ARHGAP1: variants seen among roughly 807,000 people sequenced by gnomAD.
ARHGAP1 encodes rho GTPase-activating protein 1.
In ARHGAP1, 23 loss-of-function variants were observed where a neutral mutation model predicts 52.2. The ratio of observed to expected loss-of-function variants is 0.44; its 90% confidence interval spans 0.32 to 0.62. ARHGAP1 has a LOEUF of 0.62. Ranked by LOEUF, ARHGAP1 falls within the 20% of genes least tolerant of loss-of-function variation. ARHGAP1 has a pLI of 0.05. For missense variants in ARHGAP1, 480 were observed against 560.9 expected (o/e 0.86, Z 1.46); for synonymous variants, 210 against 228.4 (o/e 0.92, Z 0.73).
rs926490697 is a variant in ARHGAP1 at position 46,681,955 on chromosome 11, C to G, written c.449+96G>C. 6.4e-7 allele frequency: 1 copy of G among 1,561,114 alleles called. No individual in the cohort carries two copies. The highest frequency in any genetic ancestry group is 1.4e-5 in the African/African-American group (1 of 74,006). On this transcript the variant is annotated intron_variant, in intron 5 of 12. Transcript: ENST00000311956. This position sits in a 1 kb window ranked among gnomAD's most constrained non-coding sequence, Gnocchi z 5.7. ...GACGGCAGCCCCCGCCACCCCCTGC[C>G]TTGGAATAAGCTCCTGCCCAAGTGG...
chr11:46,683,562 C>G (rs2064544648), intron 4 of ARHGAP1, among the ~76,000 whole-genome samples: 2 of 152,086 alleles, frequency 1.3e-5, no homozygotes, highest in Non-Finnish European at 2.9e-5. Flanking sequence ...ATATACACAC[C>G]TGGTGTTGAG....
In ARHGAP1 at chr11:46,678,153, C is replaced by T. The variant is rs537056868; in HGVS notation, c.*884G>A. ...AGTCACCTCTGGCTGGGGCAGGGGC[C>T]AGTGTGACTCCGTAACAGACAGGTC... On this transcript the variant is annotated 3_prime_UTR_variant, in exon 13 of 13. Coordinates refer to ENST00000311956, the MANE Select transcript of ARHGAP1 (RefSeq NM_004308.5). 20 of 273,398 alleles carry T rather than the reference C, an allele frequency of 7.3e-5. No homozygotes were observed. In the Admixed American group the frequency reaches 9.1e-4, roughly 12 times the overall value. The allele number at this position is 273,398 out of a possible 1,614,324, so 16.9% of individuals were successfully genotyped here. A position where few individuals can be genotyped will look rare whatever the true frequency, so the allele number is the denominator to read the frequency against.
At chr11:46,690,265 T>G (rs1208728095) in intron 3 of ARHGAP1, among the ~76,000 whole-genome samples, 1 of 151,802 alleles carries the variant, frequency 6.6e-6, no homozygotes, top group Non-Finnish European at 1.5e-5. Context: ...CGGGCACCTG[T>G]AGTCCCAGCT....
At position 46,680,397 on chromosome 11, in the gene ARHGAP1, G is replaced by A; in HGVS notation, c.820+90C>T. On this transcript the variant is annotated intron_variant, in intron 9 of 12. Transcript: ENST00000311956. This position sits in a 1 kb window ranked among gnomAD's most constrained non-coding sequence, Gnocchi z 5.9. ...CTGGGTGGGGACGTTGAGGCTTGCA[G>A]GACCTCCCTCTGCCCTGCCCAGCAG... The A allele has an allele frequency of 1.9e-6, 3 of 1,580,178 alleles. No individual in the cohort carries two copies. Among genetic ancestry groups the A allele is most frequent in the Non-Finnish European group, 2.6e-6 (3 of 1,150,512 alleles).
At chr11:46,686,848 A>G (rs1421774824) in intron 4 of ARHGAP1, 2 of 152,198 alleles carry the variant, frequency 1.3e-5, no homozygotes, top group Non-Finnish European at 2.9e-5. Flanking sequence ...GAAGAGCCAC[A>G]TCTGAGATAA....
intron 4 of ARHGAP1, among the ~76,000 whole-genome samples, chr11:46,684,386 T>G (rs2064552301): frequency 6.6e-6 from 1 of 152,216 alleles, no homozygotes; most frequent in African/African-American, 2.4e-5. Context: ...TCTCTGACCC[T>G]GTAAAAATAT....
chr11:46,686,281 G>GAGCCACAAGAGACTTGTGGCGCCC lies in ARHGAP1; in HGVS notation c.317+1868_317+1891dup, dbSNP rs1031578568. ...TTACAGGCATGAGCCGCTGGACGAG[G>GAGCCACAAGAGACTTGTGGCGCCC]AGCCACAAGAGACTTGTGGCGCCCA... On this transcript the variant is annotated intron_variant, in intron 4 of 12. Transcript: ENST00000311956. 5.3e-5 allele frequency among the ~76,000 whole-genome samples: 8 copies of GAGCCACAAGAGACTTGTGGCGCCC among 152,124 alleles called. No homozygotes were observed. In the South Asian group the frequency reaches 1.2e-3, roughly 24 times the overall value.
intron 5 of ARHGAP1, 25 bp downstream of exon 5, chr11:46,682,024 CTG>C: frequency 6.2e-7 from 1 of 1,613,270 alleles, no homozygotes; most frequent in Admixed American, 1.7e-5. Context: ...CTGGATCTGA[CTG>C]TGCAGGCCCC....
At chr11:46,684,621 G>A (rs2064554230) in intron 4 of ARHGAP1, among the ~76,000 whole-genome samples, 1 of 152,224 alleles carries the variant, frequency 6.6e-6, no homozygotes, top group African/African-American at 2.4e-5. Flanking sequence ...TGTCAGAACA[G>A]TGTTTATGCC....
At chr11:46,688,353 G>A (rs1273352130) in intron 3 of ARHGAP1, 93 bp from the exon 4 acceptor site, 4 of 1,280,484 alleles carry the variant, frequency 3.1e-6, no homozygotes, top group Non-Finnish European at 4.4e-6. Context: ...GCTGATCTGA[G>A]CCAGTTACCA....
At chr11:46,686,157 A>G (rs981477030) in intron 4 of ARHGAP1, among the ~76,000 whole-genome samples, 2 of 149,392 alleles carry the variant, frequency 1.3e-5, no homozygotes, top group Non-Finnish European at 3.0e-5. Context: ...AGCCTGGCTA[A>G]TTTTTTTATT....
At position 46,679,353 on chromosome 11, in the gene ARHGAP1, C is replaced by T. The variant is rs1240188238; in HGVS notation, c.1131+12G>A. The stretch of plus-strand genomic sequence containing the variant: ...CCTCCCTTCACCCCAGAGGCCAAGT[C>T]CAAGGTCTCACCTGCACCAGGAAAG... On this transcript the variant is annotated intron_variant, in intron 12 of 12. Coordinates refer to ENST00000311956, the MANE Select transcript of ARHGAP1 (RefSeq NM_004308.5). This position sits in a 1 kb window ranked among gnomAD's most constrained non-coding sequence, Gnocchi z 4.4. The T allele has an allele frequency of 8.7e-6, 14 of 1,613,760 alleles. No homozygotes were observed. Among genetic ancestry groups the T allele is most frequent in the Non-Finnish European group, 1.2e-5 (14 of 1,179,874 alleles).
At position 46,696,007 on chromosome 11, in the gene ARHGAP1, G is replaced by A; in HGVS notation, c.101C>T (p.Pro34Leu). ...KLASIDEKNW[P>L]SDEMPDFPKS... ...GGGGAAGTCAGGCATTTCATCCGAG[G>A]GCCAGTTCTTCTCATCGATGGAGGC... Residue 34 changes from proline (P) to leucine (L), a missense_variant, in exon 2 of 13, where the codon CCC (proline) becomes CTC (leucine). Pro to Leu is a moderately conservative substitution (Grantham distance 98, BLOSUM62 -3). Coordinates refer to ENST00000311956, the MANE Select transcript of ARHGAP1 (RefSeq NM_004308.5). This position sits in a 1 kb window ranked among gnomAD's most constrained non-coding sequence, Gnocchi z 4.8. The A allele has an allele frequency of 6.2e-7, 1 of 1,614,164 alleles. No homozygotes were observed. Among genetic ancestry groups the A allele is most frequent in the Non-Finnish European group, 8.5e-7 (1 of 1,180,018 alleles).
rs2134477314 is a variant in ARHGAP1 at position 46,680,330 on chromosome 11, T to G, written c.821-48A>C. The G allele has an allele frequency of 6.2e-7, 1 of 1,600,152 alleles. No homozygotes were observed. Among genetic ancestry groups the G allele is most frequent in the Middle Eastern group, 1.7e-4 (1 of 5,972 alleles). On this transcript the variant is annotated intron_variant, in intron 9 of 12. Transcript: ENST00000311956. This position sits in a 1 kb window ranked among gnomAD's most constrained non-coding sequence, Gnocchi z 5.9. ...GAGCCTCCGAGCGCTGGGCACCGGC[T>G]GGATTCCCTGCCCCTTCTCTGTCTT...
chr11:46,686,834 C>G (rs1356065181), intron 4 of ARHGAP1: 1 of 152,198 alleles, frequency 6.6e-6, no homozygotes, highest in Non-Finnish European at 1.5e-5. Flanking sequence ...GGGTGGACAG[C>G]TGGGAAGAGC....
intron 3 of ARHGAP1, among the ~76,000 whole-genome samples, chr11:46,691,018 A>G (rs1231195621): frequency 6.6e-6 from 1 of 152,134 alleles, no homozygotes; most frequent in African/African-American, 2.4e-5. Context: ...TGTCCTGAGT[A>G]GCTAGGACTA....
Position 46,681,209 on chromosome 11 carries a change from C to G in ARHGAP1, c.536+84G>C, listed in dbSNP as rs2064525035. On this transcript the variant is annotated intron_variant, in intron 6 of 12. Transcript: ENST00000311956. This position sits in a 1 kb window ranked among gnomAD's most constrained non-coding sequence, Gnocchi z 5.7. Reference sequence around the variant, plus strand: ...CAGTTCAGACGGAAGCCCAGCCGCACCTGGTGGTCCCCAGGCTGCCCAGCC... The same window carrying G: ...CAGTTCAGACGGAAGCCCAGCCGCAGCTGGTGGTCCCCAGGCTGCCCAGCC... 9 of 1,542,034 alleles carry G rather than the reference C, an allele frequency of 5.8e-6. No homozygotes were observed. The Admixed American group carries it at 6.7e-5, about 11-fold the overall frequency.
At chr11:46,690,818 A>G (rs758422850) in intron 3 of ARHGAP1, among the ~76,000 whole-genome samples, 4 of 152,008 alleles carry the variant, frequency 2.6e-5, no homozygotes, top group Non-Finnish European at 4.4e-5. Flanking sequence ...GAGCAGCTCA[A>G]AGACAGAGGC....
chr11:46,695,895 T>C, intron 2 of ARHGAP1, 80 bp downstream of exon 2: 1 of 1,608,814 alleles, frequency 6.2e-7, no homozygotes, highest in Non-Finnish European at 8.5e-7. Context: ...CATCCTGCCC[T>C]CCTGGCGTCT....
Sources: gnomAD v4.1 joint callset for allele counts (sites outside exome capture counted in the v4.1 genomes callset) on GRCh38, gnomAD v4.1.1 for gene constraint, Gnocchi (gnomAD v3.1) non-coding constraint, MANE v1.5 for transcripts, NCBI Gene and HGNC (gene_info 2026-07-23, HGNC 2026-07-21) for gene names.